The following NRG3 variants were observed in gnomAD, a reference collection of about 807,000 sequenced individuals.
NRG3 encodes the protein pro-neuregulin-3, membrane-bound isoform.
In NRG3, 31 loss-of-function variants were observed where a neutral mutation model predicts 66.9. The observed-to-expected ratio is 0.46, with a 90% CI of 0.35 to 0.63. The LOEUF (loss-of-function observed/expected upper bound fraction) is 0.63. Ranked by LOEUF, NRG3 falls within the 20% of genes least tolerant of loss-of-function variation. NRG3 has a pLI of 0.00. For synonymous variants in NRG3, 393 were observed against 359.4 expected (o/e 1.09, Z -1.06); for missense variants, 910 against 878.9 (o/e 1.04, Z -0.45).
chr10:82,533,261 G>A (rs1445682887), intron 2 of NRG3, among the ~76,000 whole-genome samples: 1 of 151,878 alleles, frequency 6.6e-6, no homozygotes, highest in East Asian at 1.9e-4. Context: ...TTTCATTGCT[G>A]ATCATTTCTT....
chr10:82,148,402 C>G (rs1463395904), intron 1 of NRG3, among the ~76,000 whole-genome samples: 1 of 152,170 alleles, frequency 6.6e-6, no homozygotes, highest in Non-Finnish European at 1.5e-5. Flanking sequence ...GGTTGATACT[C>G]TCAACCACAG....
At chr10:82,749,424 C>T (rs182993808) in intron 3 of NRG3, among the ~76,000 whole-genome samples, 90 of 152,184 alleles carry the variant, frequency 5.9e-4, no homozygotes, top group Non-Finnish European at 1.1e-3. Flanking sequence ...TAAGTTTCAC[C>T]ACTCGCCCTA....
At chr10:82,687,339 A>G (rs1329200244) in intron 2 of NRG3, among the ~76,000 whole-genome samples, 1 of 152,052 alleles carries the variant, frequency 6.6e-6, no homozygotes, top group Non-Finnish European at 1.5e-5. Flanking sequence ...ACATTCCTCC[A>G]TCACTGCATC....
At position 82,321,218 on chromosome 10, in the gene NRG3, G is replaced by T. The variant is rs570680137; in HGVS notation, c.824-37521G>T. Reference sequence around the variant, plus strand: ...TTTGCCCTGGCTCCTGCCTGTCTGTGTGCTCCCCCTCCAGTAAAGGGTTTG... The same window carrying T: ...TTTGCCCTGGCTCCTGCCTGTCTGTTTGCTCCCCCTCCAGTAAAGGGTTTG... On this transcript the variant is annotated intron_variant, in intron 1 of 8. Coordinates refer to ENST00000372141, the MANE Select transcript of NRG3 (RefSeq NM_001010848.4). Among the ~76,000 whole-genome samples, 55 of 151,232 alleles carry T rather than the reference G, an allele frequency of 3.6e-4. 1 individual carries two copies. Among genetic ancestry groups the T allele is most frequent in the Admixed American group, 3.5e-3 (53 of 15,226 alleles).
chr10:82,418,359 T>C (rs961592453), intron 2 of NRG3, among the ~76,000 whole-genome samples: 4 of 152,188 alleles, frequency 2.6e-5, no homozygotes, highest in African/African-American at 9.6e-5. Context: ...GATGTTATGT[T>C]CCAAAGATGT....
intron 1 of NRG3, among the ~76,000 whole-genome samples, chr10:82,062,389 T>C (rs2064204201): frequency 6.6e-6 from 1 of 152,090 alleles, no homozygotes. Flanking sequence ...GTGGATCACC[T>C]GAGGTTAGGA....
intron 1 of NRG3, among the ~76,000 whole-genome samples, chr10:81,958,104 C>T (rs1474968394): frequency 6.6e-6 from 1 of 152,094 alleles, no homozygotes; most frequent in African/African-American, 2.4e-5. Context: ...AATTTTACAG[C>T]CCTGGCAATT....
chr10:82,727,871 C>A (rs1034765096), intron 2 of NRG3, among the ~76,000 whole-genome samples: 14 of 152,266 alleles, frequency 9.2e-5, no homozygotes, highest in Admixed American at 5.9e-4. Context: ...TGCCCAAGAC[C>A]ATAGGAACCC....
chr10:82,733,317 A>G (rs1180577037), intron 2 of NRG3, among the ~76,000 whole-genome samples: 2 of 152,352 alleles, frequency 1.3e-5, no homozygotes, highest in East Asian at 3.9e-4. Context: ...AAAAATGACT[A>G]AAATGCAATT....
At chr10:82,503,990 C>T (rs571189978) in intron 2 of NRG3, among the ~76,000 whole-genome samples, 1 of 152,198 alleles carries the variant, frequency 6.6e-6, no homozygotes, top group African/African-American at 2.4e-5. Context: ...AAATGCCACT[C>T]TTACTTCTCA....
chr10:82,206,866 C>T (rs749969435), intron 1 of NRG3, among the ~76,000 whole-genome samples: 4 of 152,138 alleles, frequency 2.6e-5, no homozygotes, highest in Non-Finnish European at 4.4e-5. Flanking sequence ...GTTATGTTCC[C>T]GTACTTAGTC....
chr10:82,445,428 C>T (rs1180348880), intron 2 of NRG3, among the ~76,000 whole-genome samples: 1 of 152,280 alleles, frequency 6.6e-6, no homozygotes, highest in East Asian at 1.9e-4. Context: ...TCCTTAACAG[C>T]AGGATGTTAG....
chr10:82,262,120 C>T (rs967739414), intron 1 of NRG3, among the ~76,000 whole-genome samples: 6 of 152,158 alleles, frequency 3.9e-5, no homozygotes, highest in Admixed American at 2.0e-4. Context: ...AACTAAACCT[C>T]TTTTATTTAT....
At chr10:82,485,151 G>A (rs879890324) in intron 2 of NRG3, among the ~76,000 whole-genome samples, 2 of 151,970 alleles carry the variant, frequency 1.3e-5, no homozygotes, top group South Asian at 2.1e-4. Flanking sequence ...TGTTCATTAC[G>A]ACCCCAGTGT....
intron 1 of NRG3, among the ~76,000 whole-genome samples, chr10:82,085,250 C>T (rs977212173): frequency 3.9e-5 from 6 of 152,080 alleles, no homozygotes; most frequent in African/African-American, 1.5e-4. Flanking sequence ...CATCTGTCCA[C>T]GTGAGGAACA....
intron 1 of NRG3, among the ~76,000 whole-genome samples, chr10:82,114,369 G>A (rs1415866063): frequency 2.6e-5 from 4 of 152,082 alleles, no homozygotes; most frequent in African/African-American, 2.4e-5. Flanking sequence ...ACTCGACCCC[G>A]GAGGAAAGTC....
intron 1 of NRG3, among the ~76,000 whole-genome samples, chr10:82,043,953 A>G (rs567661461): frequency 6.6e-6 from 1 of 152,226 alleles, no homozygotes; most frequent in East Asian, 1.9e-4. Context: ...TTATCTGTAT[A>G]TACATTTAAG....
chr10:82,025,309 A>G (rs566739594), intron 1 of NRG3, among the ~76,000 whole-genome samples: 16 of 151,352 alleles, frequency 1.1e-4, no homozygotes, highest in Non-Finnish European at 1.6e-4. Flanking sequence ...TACTCTAGCC[A>G]TATCTGACTT....
intron 1 of NRG3, among the ~76,000 whole-genome samples, chr10:82,284,568 CT>C (rs2079308512): frequency 6.6e-6 from 1 of 152,142 alleles, no homozygotes; most frequent in Admixed American, 6.5e-5. Context: ...GAAAGGTCAA[CT>C]TTTCCACCAA....
Sources: allele counts gnomAD v4.1 joint callset (sites outside exome capture counted in the v4.1 genomes callset), GRCh38; gene constraint gnomAD v4.1.1; transcripts MANE v1.5; gene names NCBI Gene and HGNC (gene_info 2026-07-23, HGNC 2026-07-21).